ARMH3: variants seen among roughly 807,000 people sequenced by gnomAD.
The protein encoded by ARMH3 is armadillo like helical domain containing 3.
In ARMH3, 60 loss-of-function variants were observed where a neutral mutation model predicts 99.1. That is an observed-to-expected ratio of 0.61 (90% confidence interval 0.49 to 0.75). The LOEUF (loss-of-function observed/expected upper bound fraction) is 0.75. ARMH3 is among the 30% of genes least tolerant of loss of function. The pLI, the probability that ARMH3 is intolerant of heterozygous loss-of-function variation, is 0.00. For synonymous variants in ARMH3, 285 were observed against 292.8 expected, an observed-to-expected ratio of 0.97 and a Z score of 0.27; for missense variants, 679 against 843.1, an observed-to-expected ratio of 0.81 and a Z score of 2.41.
chr10:101,854,461 G>A (rs149577664), intron 24 of ARMH3, among the ~76,000 whole-genome samples: 5 of 152,264 alleles, frequency 3.3e-5, no homozygotes, highest in East Asian at 3.9e-4. Flanking sequence ...TTCTATGTGC[G>A]TAAGTGATTC....
In ARMH3 at chr10:101,956,628, C is replaced by T. The variant is rs1202711145; in HGVS notation, c.1674G>A (p.Met558Ile). The T allele has an allele frequency of 6.2e-7, 1 of 1,613,600 alleles. No individual in the cohort carries two copies. The highest frequency in any genetic ancestry group is 8.5e-7 in the Non-Finnish European group (1 of 1,179,580). ...YDELYYEIIR[M>I]HQSFDNLYSM... is the part of the protein sequence containing the mutation. Reference sequence around the variant, plus strand: ...AGTAGAGGTTGTCAAAGCTCTGGTGCATGCGGATAATCTCATAGTAAAGTT... The same window carrying T: ...AGTAGAGGTTGTCAAAGCTCTGGTGTATGCGGATAATCTCATAGTAAAGTT... Residue 558 changes from methionine (M) to isoleucine (I), a missense_variant, in exon 22 of 26, where the codon ATG (methionine) becomes ATA (isoleucine). By Grantham distance (10) the Met-to-Ile change is conservative. Coordinates refer to ENST00000370033, the MANE Select transcript of ARMH3 (RefSeq NM_024541.3).
intron 11 of ARMH3, among the ~76,000 whole-genome samples, chr10:102,011,335 G>A (rs186208663): frequency 0.011 from 1,620 of 152,184 alleles, 32 homozygotes; most frequent in Non-Finnish European, 0.011. Flanking sequence ...CTACTATACC[G>A]TGTTCCACAA....
At chr10:101,900,517 G>A (rs1360236379) in intron 23 of ARMH3, among the ~76,000 whole-genome samples, 1 of 152,132 alleles carries the variant, frequency 6.6e-6, no homozygotes, top group Non-Finnish European at 1.5e-5. Flanking sequence ...TCTTGAATAT[G>A]AATTAAGAAC....
chr10:101,938,723 C>T (rs1844105866), intron 23 of ARMH3, among the ~76,000 whole-genome samples: 1 of 152,168 alleles, frequency 6.6e-6, no homozygotes, highest in South Asian at 2.1e-4. Flanking sequence ...TCGCATTTAT[C>T]GTAAGGCCTC....
At chr10:101,926,175 T>C (rs1843500821) in intron 23 of ARMH3, among the ~76,000 whole-genome samples, 1 of 152,094 alleles carries the variant, frequency 6.6e-6, no homozygotes, top group African/African-American at 2.4e-5. Flanking sequence ...AACCTGATAA[T>C]TTATTTTTTA....
At chr10:101,978,387 A>G (rs1846094749) in intron 19 of ARMH3, among the ~76,000 whole-genome samples, 1 of 152,228 alleles carries the variant, frequency 6.6e-6, no homozygotes, top group African/African-American at 2.4e-5. Context: ...CCCTCAAAGA[A>G]TATTGATAAA....
At chr10:101,959,155 G>A (rs951120882) in intron 20 of ARMH3, among the ~76,000 whole-genome samples, 2 of 152,310 alleles carry the variant, frequency 1.3e-5, no homozygotes, top group Middle Eastern at 3.4e-3. Context: ...CTGTTGGACT[G>A]GGGGGACAAA....
intron 1 of ARMH3, among the ~76,000 whole-genome samples, chr10:102,046,665 T>G (rs1233516723): frequency 6.6e-6 from 1 of 151,970 alleles, no homozygotes; most frequent in Non-Finnish European, 1.5e-5. Flanking sequence ...AAAGAAAAAT[T>G]GAAAAGAAAA....
intron 8 of ARMH3, among the ~76,000 whole-genome samples, chr10:102,015,774 G>A (rs1399990233): frequency 1.3e-5 from 2 of 152,202 alleles, no homozygotes; most frequent in East Asian, 1.9e-4. Flanking sequence ...TGACGAATTA[G>A]GCACATAAAG....
At chr10:101,936,374 C>A (rs1230228020) in intron 23 of ARMH3, among the ~76,000 whole-genome samples, 1 of 151,556 alleles carries the variant, frequency 6.6e-6, no homozygotes, top group Non-Finnish European at 1.5e-5. Flanking sequence ...TGCCTGTAAT[C>A]CCAGCTACTC....
At chr10:102,051,606 G>C (rs1033062708) in intron 1 of ARMH3, among the ~76,000 whole-genome samples, 1 of 152,160 alleles carries the variant, frequency 6.6e-6, no homozygotes, top group African/African-American at 2.4e-5. Context: ...ACCACTACAA[G>C]GCAGGGTCCA....
At chr10:102,028,466 G>C (rs1564864011) in intron 5 of ARMH3, among the ~76,000 whole-genome samples, 1 of 152,128 alleles carries the variant, frequency 6.6e-6, no homozygotes, top group Non-Finnish European at 1.5e-5. Context: ...ATTCCTAATA[G>C]CCAAAATGTT....
intron 22 of ARMH3, among the ~76,000 whole-genome samples, chr10:101,953,947 T>G (rs1844912228): frequency 6.6e-6 from 1 of 152,114 alleles, no homozygotes; most frequent in African/African-American, 2.4e-5. Context: ...ATCTCAACAC[T>G]TTGGGAGGCC....
chr10:102,031,619 T>C (rs772063974), intron 4 of ARMH3, among the ~76,000 whole-genome samples: 19 of 152,258 alleles, frequency 1.2e-4, no homozygotes, highest in Non-Finnish European at 1.0e-4. Context: ...GTAATTATTA[T>C]TGCCATTCTA....
At chr10:101,956,555 G>C in intron 22 of ARMH3, 42 bp downstream of exon 22, 1 of 1,603,300 alleles carries the variant, frequency 6.2e-7, no homozygotes, top group Non-Finnish European at 8.5e-7. Flanking sequence ...CCAAAAGCTA[G>C]ACAAATGGTG....
chr10:101,912,200 C>A (rs1317854716), intron 23 of ARMH3, among the ~76,000 whole-genome samples: 3 of 151,920 alleles, frequency 2.0e-5, no homozygotes, highest in African/African-American at 4.8e-5. Flanking sequence ...TGAGACCAGT[C>A]TGGCCAATAT....
At chr10:101,852,986 C>T (rs1564689556) in intron 24 of ARMH3, among the ~76,000 whole-genome samples, 1 of 151,386 alleles carries the variant, frequency 6.6e-6, no homozygotes, top group Non-Finnish European at 1.5e-5. Flanking sequence ...CAGGTTCAAG[C>T]GATCCTCCTG....
At chr10:101,868,550 C>G (rs2067059577) in intron 24 of ARMH3, among the ~76,000 whole-genome samples, 2 of 152,186 alleles carry the variant, frequency 1.3e-5, no homozygotes, top group Admixed American at 1.3e-4. Context: ...CATCCTTAGA[C>G]AGCAAGACCA....
At chr10:101,855,272 T>C (rs944927871) in intron 24 of ARMH3, among the ~76,000 whole-genome samples, 7 of 147,460 alleles carry the variant, frequency 4.7e-5, no homozygotes, top group Admixed American at 6.7e-5. Context: ...TTTACCATGT[T>C]GGCCACGCTG....
Sources: gnomAD v4.1 joint callset for allele counts (sites outside exome capture counted in the v4.1 genomes callset) on GRCh38, gnomAD v4.1.1 for gene constraint, MANE v1.5 for transcripts, NCBI Gene and HGNC (gene_info 2026-07-23, HGNC 2026-07-21) for gene names.